DNAI7: variants seen among roughly 807,000 people sequenced by gnomAD.
DNAI7 encodes cancer susceptibility 1.
In DNAI7, 78 loss-of-function variants were observed where a neutral mutation model predicts 86.6. The observed-to-expected ratio is 0.90, with a 90% confidence interval of 0.75 to 1.09. The LOEUF is 1.09. Ranked by LOEUF, DNAI7 falls within the 50% of genes least tolerant of loss-of-function variation. DNAI7 has a pLI of 0.00. For missense variants in DNAI7, 753 were observed against 810.2 expected (o/e 0.93, Z 0.86); for synonymous variants, 274 against 273.0 (o/e 1.00, Z -0.04).
chr12:25,156,514 G>C (rs1946189912), intron 4 of DNAI7, among the ~76,000 whole-genome samples: 1 of 152,108 alleles, frequency 6.6e-6, no homozygotes, highest in South Asian at 2.1e-4. Flanking sequence ...CAGCACTTTG[G>C]GAGACAGAGG....
chr12:25,107,734 C>A (rs1000770683), downstream of DNAI7: 41 of 1,355,684 alleles, frequency 3.0e-5, no homozygotes, highest in Non-Finnish European at 3.6e-5. Flanking sequence ...AAGGGCAGAT[C>A]ACCTGACTGG....
At chr12:25,109,915 TG>T (rs1351800235) in intron 15 of DNAI7, among the ~76,000 whole-genome samples, 2 of 151,288 alleles carry the variant, frequency 1.3e-5, no homozygotes, top group Non-Finnish European at 3.0e-5. Context: ...TGACCTCAGG[TG>T]ATCTGCCCAC....
intron 2 of DNAI7, among the ~76,000 whole-genome samples, chr12:25,166,693 T>C (rs1018294276): frequency 2.6e-5 from 4 of 152,110 alleles, no homozygotes; most frequent in African/African-American, 9.7e-5. Flanking sequence ...ATGGTTAGTG[T>C]GGTCAGAATT....
chr12:25,107,956 T>G (rs369331176), downstream of DNAI7: 1 of 1,614,032 alleles, frequency 6.2e-7, no homozygotes, highest in African/African-American at 1.3e-5. Context: ...ATTCCAGAAG[T>G]CTGTGGATGC....
At chr12:25,172,222 G>T (rs1346644143) in intron 2 of DNAI7, among the ~76,000 whole-genome samples, 1 of 151,510 alleles carries the variant, frequency 6.6e-6, no homozygotes, top group Non-Finnish European at 1.5e-5. Context: ...ACCCTAGAAA[G>T]CTCCTAGAAT....
intron 4 of DNAI7, among the ~76,000 whole-genome samples, chr12:25,157,257 G>A (rs1393446100): frequency 1.5e-5 from 2 of 133,440 alleles, no homozygotes; most frequent in Non-Finnish European, 3.1e-5. Flanking sequence ...CAGCCTGGGC[G>A]ACAGAGAGAG....
At position 25,158,456 on chromosome 12, in the gene DNAI7, A is replaced by G; in HGVS notation, c.198+16T>C. On this transcript the variant is annotated intron_variant, in intron 4 of 15. Transcript: ENST00000395987. Reference sequence around the variant, plus strand: ...AGTTTAAGTATTCATTAAGAACATTATTAATGTTTATTTACTTTTGCTTCA... The same window carrying G: ...AGTTTAAGTATTCATTAAGAACATTGTTAATGTTTATTTACTTTTGCTTCA... The G allele has an allele frequency of 1.3e-6, 2 of 1,579,480 alleles. No individual in the cohort carries two copies.
chr12:25,144,627 C>T lies in DNAI7; in HGVS notation c.740G>A (p.Arg247Lys). ...AGCAATGTCACTTGTTGCTAATATC[C>T]TTGGAATCTCAAATCCAATTTGTGT... ...SETQIGFEIP[R>K]ILATSDIAVR... Residue 247 changes from arginine (R) to lysine (K), a missense_variant, in exon 9 of 16, where the codon AGG becomes AAG. Transcript: ENST00000395987. The T allele has an allele frequency of 6.2e-7, 1 of 1,613,944 alleles. No homozygotes were observed. The highest frequency in any genetic ancestry group is 1.3e-5 in the African/African-American group (1 of 75,010).
At chr12:25,180,928 T>C (rs1949440852) in intron 2 of DNAI7, among the ~76,000 whole-genome samples, 2 of 152,146 alleles carry the variant, frequency 1.3e-5, no homozygotes, top group African/African-American at 4.8e-5. Context: ...TGCTTCAGCC[T>C]CCTGAGTAGC....
chr12:25,181,955 A>AT (rs1949539184), intron 2 of DNAI7, among the ~76,000 whole-genome samples: 1 of 152,160 alleles, frequency 6.6e-6, no homozygotes, highest in Non-Finnish European at 1.5e-5. Context: ...CAATATGAAG[A>AT]TTTATTAAAG....
rs1208159899 is a variant in DNAI7 at position 25,123,218 on chromosome 12, A to G, written c.1071T>C (p.Val357=). 6.3e-7 allele frequency: 1 copy of G among 1,587,070 alleles called. No individual in the cohort carries two copies. The highest frequency in any genetic ancestry group is 1.3e-5 in the African/African-American group (1 of 74,076). The change falls in exon 10 of 16, where the codon GTT becomes GTC. Residue 357 remains valine (V), a synonymous_variant. Coordinates refer to ENST00000395987, the MANE Select transcript of DNAI7 (RefSeq NM_018272.5). The part of the protein sequence containing the change: ...EREMKVLSET[V]SAAQLLLVEN... ...AAATGTAATTTAGAATACCTGCTGA[A>G]ACAGTTTCACTTAATACTTTCATCT...
At chr12:25,178,834 C>A (rs1213647396) in intron 2 of DNAI7, among the ~76,000 whole-genome samples, 1 of 151,914 alleles carries the variant, frequency 6.6e-6, no homozygotes, top group Non-Finnish European at 1.5e-5. Flanking sequence ...AGGTTACTGA[C>A]CCACTCTATT....
At chr12:25,158,153 C>T (rs1946415514) in intron 4 of DNAI7, among the ~76,000 whole-genome samples, 1 of 151,862 alleles carries the variant, frequency 6.6e-6, no homozygotes, top group Admixed American at 6.6e-5. Context: ...GGCGTGAACC[C>T]AGGAGGCGGA....
chr12:25,163,408 C>T (rs1947058330), intron 2 of DNAI7, among the ~76,000 whole-genome samples: 1 of 152,196 alleles, frequency 6.6e-6, no homozygotes, highest in Non-Finnish European at 1.5e-5. Context: ...AGCTCTCCTA[C>T]TGAGCACCTT....
intron 9 of DNAI7, among the ~76,000 whole-genome samples, chr12:25,138,289 T>A (rs974061835): frequency 6.6e-6 from 1 of 151,980 alleles, no homozygotes; most frequent in Non-Finnish European, 1.5e-5. Flanking sequence ...ATGGTGAAAC[T>A]CTGTCTCTAC....
intron 9 of DNAI7, among the ~76,000 whole-genome samples, chr12:25,128,102 T>C (rs1185551102): frequency 6.6e-6 from 1 of 152,176 alleles, no homozygotes; most frequent in African/African-American, 2.4e-5. Context: ...CAATTATTAA[T>C]GAAGTAAATG....
chr12:25,124,475 G>A (rs1229373057), intron 9 of DNAI7, among the ~76,000 whole-genome samples: 1 of 151,830 alleles, frequency 6.6e-6, no homozygotes, highest in Non-Finnish European at 1.5e-5. Context: ...GTAAACAAAT[G>A]GGTATATTTT....
chr12:25,114,273 G>T (rs1407810446), intron 13 of DNAI7, among the ~76,000 whole-genome samples: 1 of 152,090 alleles, frequency 6.6e-6, no homozygotes. Context: ...GAGCAATAGG[G>T]GATCATTCAG....
intron 2 of DNAI7, among the ~76,000 whole-genome samples, chr12:25,173,786 C>T (rs1291873917): frequency 6.6e-6 from 1 of 151,056 alleles, no homozygotes; most frequent in Non-Finnish European, 1.5e-5. Context: ...TATATACACA[C>T]ATCATATATA....
Sources: allele counts gnomAD v4.1 joint callset (sites outside exome capture counted in the v4.1 genomes callset), GRCh38; gene constraint gnomAD v4.1.1; transcripts MANE v1.5; gene names NCBI Gene and HGNC (gene_info 2026-07-23, HGNC 2026-07-21).